The following RAB3C variants were observed in gnomAD, a reference collection of about 807,000 sequenced individuals.
RAB3C encodes the protein ras-related protein Rab-3C.
In RAB3C, 17 loss-of-function variants were observed where a neutral mutation model predicts 26.4. The ratio of observed to expected loss-of-function variants is 0.64; its 90% confidence interval spans 0.44 to 0.97. The LOEUF is 0.97. Among genes scored for constraint, RAB3C ranks in the 50% least tolerant of loss-of-function variants. The pLI, the probability that RAB3C is intolerant of heterozygous loss-of-function variation, is 0.00. For synonymous variants in RAB3C, 91 were observed against 95.9 expected (o/e 0.95, Z 0.30); for missense variants, 242 against 281.9 (o/e 0.86, Z 1.01).
chr5:58,756,141 T>C (rs1741651525), intron 3 of RAB3C, among the ~76,000 whole-genome samples: 1 of 151,388 alleles, frequency 6.6e-6, no homozygotes, highest in Non-Finnish European at 1.5e-5. Context: ...GTTTATTTCT[T>C]TCCCCACCCA....
At chr5:58,741,293 A>G (rs1741269416) in intron 3 of RAB3C, among the ~76,000 whole-genome samples, 1 of 152,204 alleles carries the variant, frequency 6.6e-6, no homozygotes, top group Admixed American at 6.5e-5. Context: ...GGTTCATTAC[A>G]TAGGCATGAC....
chr5:58,837,249 T>C (rs1743770073), intron 4 of RAB3C, among the ~76,000 whole-genome samples: 1 of 148,322 alleles, frequency 6.7e-6, no homozygotes, highest in Non-Finnish European at 1.5e-5. Flanking sequence ...GGGTGTGATA[T>C]CGGCTCACTG....
At position 58,583,846 on chromosome 5, in the gene RAB3C, A is replaced by C. The variant is rs922822964; in HGVS notation, c.24+614A>C. Among the ~76,000 whole-genome samples, 3 of 152,120 alleles carry C rather than the reference A, an allele frequency of 2.0e-5. No individual in the cohort carries two copies. The East Asian group carries it at 5.8e-4, about 29-fold the overall frequency. On this transcript the variant is annotated intron_variant, in intron 1 of 4. Coordinates refer to ENST00000282878, the MANE Select transcript of RAB3C (RefSeq NM_138453.4). Reference sequence around the variant, plus strand: ...TCTGTTTTGGAGACAGCCCCCTCTGAGCTTTCCTGTGTTATGTGCCCATTT... The same window carrying C: ...TCTGTTTTGGAGACAGCCCCCTCTGCGCTTTCCTGTGTTATGTGCCCATTT...
intron 1 of RAB3C, among the ~76,000 whole-genome samples, chr5:58,591,146 A>G (rs546497753): frequency 3.9e-5 from 6 of 152,180 alleles, no homozygotes; most frequent in Middle Eastern, 3.4e-3. Flanking sequence ...AAAATTGTTG[A>G]CTTGTTTTTA....
At chr5:58,752,475 A>G (rs994719376) in intron 3 of RAB3C, among the ~76,000 whole-genome samples, 60 of 131,330 alleles carry the variant, frequency 4.6e-4, no homozygotes, top group African/African-American at 2.5e-3. Context: ...AATGACAGAA[A>G]AAAAAAAAAA....
chr5:58,712,893 G>C (rs1179034128), intron 2 of RAB3C, among the ~76,000 whole-genome samples: 1 of 152,110 alleles, frequency 6.6e-6, no homozygotes, highest in Non-Finnish European at 1.5e-5. Flanking sequence ...GAAAACACAA[G>C]GTCAAATGGG....
At chr5:58,744,946 T>C (rs1238195752) in intron 3 of RAB3C, among the ~76,000 whole-genome samples, 1 of 152,184 alleles carries the variant, frequency 6.6e-6, no homozygotes, top group Non-Finnish European at 1.5e-5. Context: ...AGTGCCCTGG[T>C]CACCAGGCCA....
intron 3 of RAB3C, among the ~76,000 whole-genome samples, chr5:58,818,739 G>A (rs149494415): frequency 7.0e-4 from 107 of 152,232 alleles, no homozygotes; most frequent in African/African-American, 2.3e-3. Flanking sequence ...ACAGCCACTC[G>A]CTTTCAGTGT....
chr5:58,837,702 G>A (rs918704381), intron 4 of RAB3C, among the ~76,000 whole-genome samples: 1 of 150,262 alleles, frequency 6.7e-6, no homozygotes, highest in Non-Finnish European at 1.5e-5. Flanking sequence ...GGAAGTACAG[G>A]TGCCCACCAC....
chr5:58,699,641 G>A (rs1167715456), intron 2 of RAB3C, among the ~76,000 whole-genome samples: 2 of 152,176 alleles, frequency 1.3e-5, no homozygotes, highest in South Asian at 2.1e-4. Flanking sequence ...CTTCCCTGCT[G>A]CTTTGTTTAC....
At chr5:58,695,266 C>T (rs1748670431) in intron 2 of RAB3C, among the ~76,000 whole-genome samples, 1 of 152,182 alleles carries the variant, frequency 6.6e-6, no homozygotes, top group Non-Finnish European at 1.5e-5. Flanking sequence ...GGCCTCTGTT[C>T]TGTTCCATTG....
At chr5:58,584,245 G>A (rs1745966598) in intron 1 of RAB3C, among the ~76,000 whole-genome samples, 1 of 152,140 alleles carries the variant, frequency 6.6e-6, no homozygotes, top group South Asian at 2.1e-4. Flanking sequence ...ATGAATCAAG[G>A]ACTTTAAACA....
intron 1 of RAB3C, among the ~76,000 whole-genome samples, chr5:58,596,504 T>C (rs1280379665): frequency 7.3e-6 from 1 of 136,666 alleles, no homozygotes; most frequent in African/African-American, 2.7e-5. Flanking sequence ...TATATAAATA[T>C]ATAATACTAT....
chr5:58,670,141 T>C (rs1042032737), intron 2 of RAB3C, among the ~76,000 whole-genome samples: 2 of 152,132 alleles, frequency 1.3e-5, no homozygotes, highest in African/African-American at 4.8e-5. Context: ...CAGTTCTTAT[T>C]CTCTCTCCCA....
intron 2 of RAB3C, among the ~76,000 whole-genome samples, chr5:58,627,959 C>T (rs945840752): frequency 6.6e-6 from 1 of 151,902 alleles, no homozygotes; most frequent in Non-Finnish European, 1.5e-5. Context: ...AGATTGAGAC[C>T]ATCCTGGCTA....
intron 2 of RAB3C, among the ~76,000 whole-genome samples, chr5:58,695,071 A>G (rs1350339626): frequency 1.3e-5 from 2 of 152,176 alleles, no homozygotes; most frequent in African/African-American, 4.8e-5. Flanking sequence ...TAGGTCTAAC[A>G]TTTAAGTCTT....
At chr5:58,679,881 T>C (rs577558594) in intron 2 of RAB3C, among the ~76,000 whole-genome samples, 1 of 152,318 alleles carries the variant, frequency 6.6e-6, no homozygotes, top group East Asian at 1.9e-4. Context: ...CTTTAGGCAA[T>C]GTACTGTTTG....
intron 3 of RAB3C, among the ~76,000 whole-genome samples, chr5:58,785,435 A>G (rs764543488): frequency 6.6e-6 from 1 of 152,206 alleles, no homozygotes; most frequent in South Asian, 2.1e-4. Context: ...AATTTGCCCT[A>G]CTTCTTTGCA....
intron 2 of RAB3C, among the ~76,000 whole-genome samples, chr5:58,660,522 A>G (rs1747881118): frequency 6.7e-6 from 1 of 150,150 alleles, no homozygotes; most frequent in Non-Finnish European, 1.5e-5. Context: ...ACCATATTGT[A>G]TTTTTTAAGA....
Sources: allele counts gnomAD v4.1 joint callset (sites outside exome capture counted in the v4.1 genomes callset), GRCh38; gene constraint gnomAD v4.1.1; transcripts MANE v1.5; gene names NCBI Gene and HGNC (gene_info 2026-07-23, HGNC 2026-07-21).